Variants in BRPF3 observed in about 807,000 individuals in gnomAD.
The protein encoded by BRPF3 is bromodomain and PHD finger-containing protein 3.
BRPF3 carries 18 observed loss-of-function variants against 102.0 expected under a neutral mutation model. That is an observed-to-expected ratio of 0.18 (90% confidence interval 0.12 to 0.26). The LOEUF is 0.26. BRPF3 is among the 10% of genes least tolerant of loss of function. BRPF3 has a pLI of 1.00. For missense variants in BRPF3, 1,147 were observed against 1,567.8 expected, an observed-to-expected ratio of 0.73 and a Z score of 4.53; for synonymous variants, 570 against 614.2, an observed-to-expected ratio of 0.93 and a Z score of 1.06.
intron 3 of BRPF3, among the ~76,000 whole-genome samples, chr6:36,205,201 T>C (rs1200843151): frequency 6.6e-6 from 1 of 152,252 alleles, no homozygotes; most frequent in Non-Finnish European, 1.5e-5. Flanking sequence ...AAATGTTTCA[T>C]AGTAAATACA....
At chr6:36,222,373 C>A in intron 10 of BRPF3, 108 bp downstream of exon 10, 1 of 989,178 alleles carries the variant, frequency 1.0e-6, no homozygotes, top group African/African-American at 1.6e-5. Context: ...AGTCCTTGAG[C>A]TCCCCCAAAC....
chr6:36,198,509 C>T (rs1029643397), intron 1 of BRPF3, among the ~76,000 whole-genome samples: 1 of 152,124 alleles, frequency 6.6e-6, no homozygotes, highest in African/African-American at 2.4e-5. Flanking sequence ...CAAATTGTAG[C>T]GTTATCACTT....
intron 2 of BRPF3, among the ~76,000 whole-genome samples, chr6:36,202,612 G>A (rs1767755002): frequency 6.6e-6 from 1 of 152,160 alleles, no homozygotes; most frequent in African/African-American, 2.4e-5. Context: ...AAGGAGTCTT[G>A]GAGACTGTTC....
At chr6:36,218,323 C>G (rs1768405682) in intron 9 of BRPF3, among the ~76,000 whole-genome samples, 1 of 152,162 alleles carries the variant, frequency 6.6e-6, no homozygotes, top group East Asian at 1.9e-4. Flanking sequence ...GCCAAAGTCC[C>G]CTGCTGCCCC....
chr6:36,228,575 A>T (rs761925466), intron 11 of BRPF3, among the ~76,000 whole-genome samples: 1 of 152,198 alleles, frequency 6.6e-6, no homozygotes, highest in Non-Finnish European at 1.5e-5. Flanking sequence ...GTAGTGGGTA[A>T]CCAGAGACCT....
At chr6:36,216,525 G>A (rs1156509299) in intron 8 of BRPF3, among the ~76,000 whole-genome samples, 2 of 152,220 alleles carry the variant, frequency 1.3e-5, no homozygotes, top group African/African-American at 4.8e-5. Context: ...CCAAGACACA[G>A]ATGGCTTCAG....
chr6:36,218,026 C>T lies in BRPF3; in HGVS notation c.3083+16C>T, dbSNP rs1768393475. On this transcript the variant is annotated intron_variant, in intron 9 of 12. Coordinates refer to ENST00000357641, the MANE Select transcript of BRPF3 (RefSeq NM_015695.3). ...AAGCTTGCAGGTAAGAACACATTCC[C>T]AAAGCTTTGTCAGCAGCTCTGCTAC... 1.2e-6 allele frequency: 2 copies of T among 1,605,096 alleles called. No homozygotes were observed. Among genetic ancestry groups the T allele is most frequent in the South Asian group, 1.1e-5 (1 of 90,238 alleles).
In BRPF3 at chr6:36,196,831, CG is replaced by C. The variant is rs1429799600; in HGVS notation, c.-163del. ...GCCGGGCCGGGGCCCCAGCGCGGGC[CG>C]GGAGGGGGCACGGCGGAGGCCACGG... On this transcript the variant is annotated 5_prime_UTR_variant, in exon 1 of 13. Coordinates refer to ENST00000357641, the MANE Select transcript of BRPF3 (RefSeq NM_015695.3). 2 of 151,334 alleles carry C rather than the reference CG, an allele frequency of 1.3e-5. No individual in the cohort carries two copies. Among genetic ancestry groups the C allele is most frequent in the Non-Finnish European group, 3.0e-5 (2 of 67,720 alleles). The allele number at this position is 151,334 out of a possible 1,614,324, so 9.4% of individuals were successfully genotyped here. A position where few individuals can be genotyped will look rare whatever the true frequency, so the allele number is the denominator to read the frequency against.
At position 36,211,638 on chromosome 6, in the gene BRPF3, G is replaced by T; in HGVS notation, c.2482+78G>T. 3.4e-6 allele frequency: 5 copies of T among 1,474,346 alleles called. No individual in the cohort carries two copies. The South Asian group carries it at 5.4e-5, about 16-fold the overall frequency. 91.3% of individuals were successfully genotyped at this position (1,474,346 alleles called of 1,614,324 possible). ...GCTAAGCTGAAATATCATAATGGGG[G>T]TATTCTTTCTGAGTTTAGATCTGAC... On this transcript the variant is annotated intron_variant, in intron 7 of 12. Transcript: ENST00000357641.
intron 11 of BRPF3, among the ~76,000 whole-genome samples, chr6:36,226,995 G>A (rs1768762612): frequency 6.6e-6 from 1 of 152,142 alleles, no homozygotes; most frequent in Non-Finnish European, 1.5e-5. Context: ...ACCTCACAAT[G>A]CAAAAAAACT....
intron 10 of BRPF3, among the ~76,000 whole-genome samples, chr6:36,223,354 G>A (rs2127295607): frequency 6.6e-6 from 1 of 152,326 alleles, no homozygotes; most frequent in East Asian, 1.9e-4. Context: ...TCAGGCTCAT[G>A]TCTAAATGAA....
chr6:36,218,579 C>T (rs1768417265), intron 9 of BRPF3, among the ~76,000 whole-genome samples: 1 of 151,698 alleles, frequency 6.6e-6, no homozygotes, highest in Non-Finnish European at 1.5e-5. Context: ...CCTGCCTCTG[C>T]CTCTTGAGTA....
chr6:36,224,813 G>T (rs1390969811), intron 10 of BRPF3, among the ~76,000 whole-genome samples: 2 of 152,138 alleles, frequency 1.3e-5, no homozygotes, highest in Non-Finnish European at 2.9e-5. Flanking sequence ...GCCTATTTTT[G>T]TATGGTCCAT....
chr6:36,211,577 G>A lies in BRPF3; in HGVS notation c.2482+17G>A, dbSNP rs377167598. ...GGGACAGAGGTGAGAGATAGTCACA[G>A]GCAGGCAGGGGGTTGGAGGGTAAAG... On this transcript the variant is annotated intron_variant, in intron 7 of 12. Transcript: ENST00000357641. 7.1e-6 allele frequency: 11 copies of A among 1,547,836 alleles called. No homozygotes were observed. The African/African-American group carries it at 1.5e-4, about 21-fold the overall frequency.
In BRPF3 at chr6:36,200,949, C is replaced by T. The variant is rs771796019; in HGVS notation, c.627C>T (p.Ile209=). The T allele has an allele frequency of 5.6e-6, 9 of 1,614,036 alleles. No homozygotes were observed. The highest frequency in any genetic ancestry group is 1.7e-5 in the Admixed American group (1 of 59,996). Residue 209 remains isoleucine, a synonymous_variant, in exon 2 of 13, where the codon ATC becomes ATT. Coordinates refer to ENST00000357641, the MANE Select transcript of BRPF3 (RefSeq NM_015695.3). This position sits in a 1 kb window ranked among gnomAD's most constrained non-coding sequence, Gnocchi z 5.3. ...GCAGTGGGGCCCAACAGTCACTCAT[C>T]GATGAAGACGCTTTCTGCTGTGTGT... The part of the protein sequence containing the change: ...SRSSGAQQSL[I]DEDAFCCVCL...
chr6:36,206,457 G>C, intron 3 of BRPF3, among the ~76,000 whole-genome samples: 1 of 152,196 alleles, frequency 6.6e-6, no homozygotes, highest in Non-Finnish European at 1.5e-5. Context: ...CTAGGCAGGC[G>C]AAGTTAAGGC....
At chr6:36,202,863 G>A (rs1767766662) in intron 2 of BRPF3, among the ~76,000 whole-genome samples, 1 of 152,182 alleles carries the variant, frequency 6.6e-6, no homozygotes, top group Non-Finnish European at 1.5e-5. Flanking sequence ...GATGAGAAGG[G>A]TAGAGAGAAA....
rs1768568626 is a variant in BRPF3 at position 36,222,156 on chromosome 6, C to T, written c.3084-12C>T. 9.7e-6 allele frequency: 15 copies of T among 1,550,082 alleles called. No homozygotes were observed. The highest frequency in any genetic ancestry group is 1.4e-5 in the African/African-American group (1 of 73,112). On this transcript the variant is annotated splice_polypyrimidine_tract_variant and intron_variant, in intron 9 of 12. Coordinates refer to ENST00000357641, the MANE Select transcript of BRPF3 (RefSeq NM_015695.3). Reference sequence around the variant, plus strand: ...TGCTCATTTCACCCCTCTCTCCCTGCTCTGTGTGCAGTGGTCTGACGCCCC... The same window carrying T: ...TGCTCATTTCACCCCTCTCTCCCTGTTCTGTGTGCAGTGGTCTGACGCCCC...
rs1338804430 is a variant in BRPF3, at chr6:36,200,386, A to G, written c.64A>G (p.Ser22Gly). 6.8e-6 allele frequency: 11 copies of G among 1,614,112 alleles called. No homozygotes were observed. The highest frequency in any genetic ancestry group is 2.2e-5 in the East Asian group (1 of 44,896). The change falls in exon 2 of 13, where the codon AGT becomes GGT. Residue 22 changes from serine to glycine, a missense_variant. Around this residue, in one of 11 missense-constraint regions of BRPF3, gnomAD observed 38 missense variants for 34.3 expected, o/e 1.11. Transcript: ENST00000357641. This position sits in a 1 kb window ranked among gnomAD's most constrained non-coding sequence, Gnocchi z 5.3. ...AEGRRSPSPY[S>G]LKCSPTRETL... Reference sequence around the variant, plus strand: ...GGGCCGGCGTTCCCCGTCCCCCTACAGTCTCAAGTGCTCACCCACCCGGGA... The same window carrying G: ...GGGCCGGCGTTCCCCGTCCCCCTACGGTCTCAAGTGCTCACCCACCCGGGA...
Sources: gnomAD v4.1 joint callset for allele counts (sites outside exome capture counted in the v4.1 genomes callset) on GRCh38, gnomAD v4.1.1 for gene constraint, gnomAD v4.1.1 regional missense constraint, Gnocchi (gnomAD v3.1) non-coding constraint, MANE v1.5 for transcripts, NCBI Gene and HGNC (gene_info 2026-07-23, HGNC 2026-07-21) for gene names.